The following LRP1B variants were observed in gnomAD, a reference collection of about 807,000 sequenced individuals.
LRP1B encodes the protein low-density lipoprotein receptor-related protein 1B.
In LRP1B, 217 loss-of-function variants were observed where a neutral mutation model predicts 556.6. The observed-to-expected ratio is 0.39, with a 90% CI of 0.35 to 0.44. The LOEUF (loss-of-function observed/expected upper bound fraction) is 0.44, where lower values mean the gene tolerates loss of function less well. LRP1B is among the 20% of genes least tolerant of loss of function. The pLI is 1.00. For missense variants in LRP1B, 5,053 were observed against 5,620.8 expected (o/e 0.90, Z 3.23); for synonymous variants, 2,047 against 1,865.8 (o/e 1.10, Z -2.50).
At chr2:140,706,293 T>C (rs538287985) in intron 37 of LRP1B, among the ~76,000 whole-genome samples, 5 of 152,132 alleles carry the variant, frequency 3.3e-5, no homozygotes, top group Non-Finnish European at 7.4e-5. Context: ...CTATATGATA[T>C]AGCCAAGAAA....
intron 7 of LRP1B, among the ~76,000 whole-genome samples, chr2:141,167,645 C>T (rs151021333): frequency 6.6e-6 from 1 of 151,780 alleles, no homozygotes; most frequent in African/African-American, 2.4e-5. Flanking sequence ...ATAATATATA[C>T]AATATAATCA....
At chr2:141,453,963 G>T (rs567861648) in intron 3 of LRP1B, among the ~76,000 whole-genome samples, 1 of 151,536 alleles carries the variant, frequency 6.6e-6, no homozygotes, top group South Asian at 2.1e-4. Flanking sequence ...ATTCTTTCTG[G>T]TATCTATCAC....
chr2:141,544,338 T>TTCTTCTTCTTCTTCTTC (rs1559131183), intron 2 of LRP1B, among the ~76,000 whole-genome samples: 37 of 66,750 alleles, frequency 5.5e-4, no homozygotes, highest in African/African-American at 2.2e-3. Context: ...CTTCTTCTTC[T>TTCTTCTTCTTCTTCTTC]TCTTCTTCTT....
intron 43 of LRP1B, among the ~76,000 whole-genome samples, chr2:140,544,322 G>A (rs1022662554): frequency 1.8e-4 from 27 of 151,558 alleles, no homozygotes; most frequent in African/African-American, 6.5e-4. Flanking sequence ...TATCACAGGG[G>A]TATTAACTTT....
intron 7 of LRP1B, among the ~76,000 whole-genome samples, chr2:141,136,633 A>T (rs1272682902): frequency 1.2e-5 from 1 of 80,052 alleles, no homozygotes; most frequent in African/African-American, 4.6e-5. Context: ...TGATGAGCAA[A>T]AAAAAAAAAA....
chr2:140,402,784 T>C (rs916710851), intron 66 of LRP1B, among the ~76,000 whole-genome samples: 3 of 152,186 alleles, frequency 2.0e-5, no homozygotes, highest in Non-Finnish European at 4.4e-5. Flanking sequence ...TACCTACAAC[T>C]AGTTTCTACC....
At chr2:140,376,154 A>G (rs1683220328) in intron 68 of LRP1B, among the ~76,000 whole-genome samples, 1 of 152,160 alleles carries the variant, frequency 6.6e-6, no homozygotes, top group Non-Finnish European at 1.5e-5. Flanking sequence ...ATTTCTTCTG[A>G]GCCTTATCAT....
At chr2:141,362,489 A>G (rs1688861441) in intron 3 of LRP1B, among the ~76,000 whole-genome samples, 1 of 152,214 alleles carries the variant, frequency 6.6e-6, no homozygotes, top group South Asian at 2.1e-4. Flanking sequence ...GTGAGCAGCG[A>G]ATGGCTAGAC....
At chr2:141,130,322 G>A (rs1297590087) in intron 7 of LRP1B, among the ~76,000 whole-genome samples, 1 of 151,990 alleles carries the variant, frequency 6.6e-6, no homozygotes, top group Non-Finnish European at 1.5e-5. Context: ...CTAACCTTAT[G>A]AAATGTTGCT....
At chr2:142,038,821 T>A (rs1325728981) in intron 1 of LRP1B, among the ~76,000 whole-genome samples, 1 of 151,638 alleles carries the variant, frequency 6.6e-6, no homozygotes, top group Non-Finnish European at 1.5e-5. Flanking sequence ...TACAGCATTT[T>A]TATCAGTTTT....
At chr2:142,093,620 G>A (rs557684324) in intron 1 of LRP1B, among the ~76,000 whole-genome samples, 1 of 152,226 alleles carries the variant, frequency 6.6e-6, no homozygotes, top group Non-Finnish European at 1.5e-5. Context: ...GAAGCCATCA[G>A]AGGGAGTAAA....
At chr2:140,326,113 T>TTTCACATAGGAAA (rs1413496030) in intron 79 of LRP1B, among the ~76,000 whole-genome samples, 2 of 152,152 alleles carry the variant, frequency 1.3e-5, no homozygotes, top group African/African-American at 4.8e-5. Context: ...AAAAGTCTTA[T>TTTCACATAGGAAA]TTCACATAGG....
chr2:141,392,844 G>A (rs1690105401), intron 3 of LRP1B, among the ~76,000 whole-genome samples: 1 of 152,100 alleles, frequency 6.6e-6, no homozygotes, highest in Non-Finnish European at 1.5e-5. Context: ...TTAGGAATTG[G>A]GCTGTGGAAC....
At chr2:140,372,372 C>T (rs1012949201) in intron 69 of LRP1B, among the ~76,000 whole-genome samples, 3 of 152,092 alleles carry the variant, frequency 2.0e-5, no homozygotes, top group African/African-American at 7.2e-5. Context: ...GACCTAGTCT[C>T]TCAAGGTAAT....
intron 3 of LRP1B, among the ~76,000 whole-genome samples, chr2:141,297,771 T>C (rs1057192368): frequency 4.1e-4 from 62 of 152,316 alleles, no homozygotes; most frequent in African/African-American, 1.5e-3. Context: ...CCTAAGATGA[T>C]AGTACTGGAT....
chr2:141,457,915 G>T (rs1008349301), intron 3 of LRP1B, among the ~76,000 whole-genome samples: 2 of 152,170 alleles, frequency 1.3e-5, no homozygotes, highest in African/African-American at 4.8e-5. Flanking sequence ...TGGCAATAAG[G>T]CTCAAGGTAA....
chr2:140,453,547 T>C (rs1206047265), intron 62 of LRP1B, among the ~76,000 whole-genome samples: 1 of 152,104 alleles, frequency 6.6e-6, no homozygotes, highest in Non-Finnish European at 1.5e-5. Flanking sequence ...CTACTAAATA[T>C]GTGTCTACTA....
intron 7 of LRP1B, among the ~76,000 whole-genome samples, chr2:141,177,690 A>G (rs1680794983): frequency 6.6e-6 from 1 of 152,142 alleles, no homozygotes; most frequent in African/African-American, 2.4e-5. Flanking sequence ...TGAAAAGAAC[A>G]AGTCCAAAAC....
intron 53 of LRP1B, 108 bp from the exon 54 acceptor site, chr2:140,503,211 C>T (rs1190531317): frequency 3.8e-5 from 34 of 897,374 alleles, no homozygotes; most frequent in Admixed American, 1.7e-4. Context: ...CTCATGTCTC[C>T]CATGAGAAAT....
Sources: gnomAD v4.1 joint callset for allele counts (sites outside exome capture counted in the v4.1 genomes callset) on GRCh38, gnomAD v4.1.1 for gene constraint, MANE v1.5 for transcripts, NCBI Gene and HGNC (gene_info 2026-07-23, HGNC 2026-07-21) for gene names.